Variants in XKR9 observed in about 807,000 individuals in gnomAD.
XKR9 encodes XK related 9.
A neutral mutation model predicts 32.0 loss-of-function variants in XKR9; 32 were observed. That is an observed-to-expected ratio of 1.00 (90% CI 0.76 to 1.34). The LOEUF (loss-of-function observed/expected upper bound fraction) is 1.34. Ranked by LOEUF, XKR9 falls within the 40% of genes most tolerant of loss-of-function variation. XKR9 has a pLI of 0.00. For synonymous variants in XKR9, 168 were observed against 143.4 expected (o/e 1.17, Z -1.22); for missense variants, 546 against 429.7 (o/e 1.27, Z -2.39).
At chr8:70,971,642 A>T in the XKR9 span, among the ~76,000 whole-genome samples, 1 of 152,052 alleles carries the variant, frequency 6.6e-6, no homozygotes, top group South Asian at 2.1e-4. Context: ...TTTGTATAAG[A>T]TGAGAGGTCA....
At chr8:70,813,432 T>C in the XKR9 span, among the ~76,000 whole-genome samples, 1 of 152,054 alleles carries the variant, frequency 6.6e-6, no homozygotes, top group African/African-American at 2.4e-5. Flanking sequence ...AAAACCAAAA[T>C]TGACAAACAT....
chr8:70,859,171 C>A, the XKR9 span, among the ~76,000 whole-genome samples: 1 of 151,896 alleles, frequency 6.6e-6, no homozygotes. Flanking sequence ...ACCAAATAAT[C>A]CAATCAAAAT....
the XKR9 span, among the ~76,000 whole-genome samples, chr8:70,911,327 GA>G: frequency 1.5e-4 from 23 of 152,214 alleles, no homozygotes; most frequent in Non-Finnish European, 7.4e-5. Flanking sequence ...TGCTTATTCA[GA>G]AAACTTACTT....
the XKR9 span, among the ~76,000 whole-genome samples, chr8:71,012,378 G>A: frequency 6.6e-6 from 1 of 152,174 alleles, no homozygotes; most frequent in Non-Finnish European, 1.5e-5. Flanking sequence ...CCCAGGGAAG[G>A]TTGGTGGCTA....
chr8:70,891,946 G>C, the XKR9 span, among the ~76,000 whole-genome samples: 1 of 151,882 alleles, frequency 6.6e-6, no homozygotes, highest in Non-Finnish European at 1.5e-5. Flanking sequence ...TGTGGTGTTG[G>C]GTGTGTATAT....
At chr8:70,939,306 G>T in the XKR9 span, among the ~76,000 whole-genome samples, 21 of 152,174 alleles carry the variant, frequency 1.4e-4, no homozygotes, top group African/African-American at 5.1e-4. Flanking sequence ...AACTTGTTTG[G>T]GTGCCAGCTT....
chr8:70,740,081 T>G (rs1806943344), downstream of XKR9, among the ~76,000 whole-genome samples: 1 of 152,224 alleles, frequency 6.6e-6, no homozygotes, highest in Non-Finnish European at 1.5e-5. Flanking sequence ...TTGGTTCCAT[T>G]CTGCCCGTCA....
At chr8:70,744,061 A>G (rs1807024227) in intron 2 of XKR9, among the ~76,000 whole-genome samples, 1 of 152,260 alleles carries the variant, frequency 6.6e-6, no homozygotes, top group African/African-American at 2.4e-5. Flanking sequence ...TCTTTCTGCC[A>G]GCACTTTGGG....
chr8:70,829,683 C>T, the XKR9 span, among the ~76,000 whole-genome samples: 35 of 152,276 alleles, frequency 2.3e-4, no homozygotes, highest in African/African-American at 7.5e-4. Context: ...CTCCTCACCT[C>T]GTGATCCTCC....
At chr8:70,902,400 A>G in the XKR9 span, among the ~76,000 whole-genome samples, 1 of 151,990 alleles carries the variant, frequency 6.6e-6, no homozygotes, top group African/African-American at 2.4e-5. Flanking sequence ...TAAGTATTTT[A>G]TTCTCTTTGA....
At chr8:70,825,577 G>A in the XKR9 span, among the ~76,000 whole-genome samples, 1 of 151,998 alleles carries the variant, frequency 6.6e-6, no homozygotes, top group Non-Finnish European at 1.5e-5. Flanking sequence ...TTGAATGATT[G>A]CCTTACTTCT....
At chr8:70,709,609 T>C (rs1465663222) in intron 4 of XKR9, among the ~76,000 whole-genome samples, 2 of 152,022 alleles carry the variant, frequency 1.3e-5, no homozygotes, top group Non-Finnish European at 2.9e-5. Flanking sequence ...GTAAAATTGG[T>C]ATACAAGATC....
the XKR9 span, among the ~76,000 whole-genome samples, chr8:71,046,566 C>T: frequency 5.5e-4 from 83 of 152,278 alleles, no homozygotes; most frequent in African/African-American, 1.9e-3. Context: ...AATTGAGGCT[C>T]ATAGGAGTCA....
chr8:70,894,651 A>G, the XKR9 span, among the ~76,000 whole-genome samples: 4 of 152,076 alleles, frequency 2.6e-5, no homozygotes, highest in Admixed American at 6.6e-5. Context: ...AGGGTATGCA[A>G]CCACTCTGGG....
the XKR9 span, among the ~76,000 whole-genome samples, chr8:70,862,778 G>A: frequency 6.6e-6 from 1 of 152,014 alleles, no homozygotes; most frequent in South Asian, 2.1e-4. Context: ...GGGGAGACAG[G>A]TATTAATCTA....
chr8:70,809,508 G>A, the XKR9 span, among the ~76,000 whole-genome samples: 1 of 152,294 alleles, frequency 6.6e-6, no homozygotes, highest in Middle Eastern at 3.4e-3. Flanking sequence ...GGTAAAGGAG[G>A]AAGTTCGAGC....
chr8:71,033,954 A>G, the XKR9 span, among the ~76,000 whole-genome samples: 4 of 152,238 alleles, frequency 2.6e-5, no homozygotes, highest in East Asian at 1.9e-4. Context: ...GAAGACAACA[A>G]TACTTCACAT....
the XKR9 span, among the ~76,000 whole-genome samples, chr8:70,805,284 A>C: frequency 6.6e-6 from 1 of 152,162 alleles, no homozygotes; most frequent in Non-Finnish European, 1.5e-5. Flanking sequence ...CATGAATCGA[A>C]AGATCACACT....
the XKR9 span, among the ~76,000 whole-genome samples, chr8:70,989,401 G>T: frequency 2.2e-4 from 33 of 152,306 alleles, no homozygotes; most frequent in Non-Finnish European, 4.1e-4. Flanking sequence ...GTGAGGAATT[G>T]CTTTTAAGAT....
Sources: allele counts gnomAD v4.1 joint callset (sites outside exome capture counted in the v4.1 genomes callset), GRCh38; gene constraint gnomAD v4.1.1; transcripts MANE v1.5; gene names NCBI Gene and HGNC (gene_info 2026-07-23, HGNC 2026-07-21).